FAM228B: variants seen among roughly 807,000 people sequenced by gnomAD.
FAM228B encodes protein FAM228B.
In FAM228B, 38 loss-of-function variants were observed where a neutral mutation model predicts 42.6. The ratio of observed to expected loss-of-function variants is 0.89; its 90% CI spans 0.69 to 1.17. The LOEUF is 1.17. Among genes scored for constraint, FAM228B ranks in the 50% most tolerant of loss-of-function variants. The probability of loss-of-function intolerance (pLI) is 0.00; values close to 1 mark genes in which losing one functional copy is unlikely to be tolerated. For synonymous variants in FAM228B, 109 were observed against 122.3 expected (o/e 0.89, Z 0.72); for missense variants, 344 against 367.3 (o/e 0.94, Z 0.52).
chr2:24,078,597 G>A (rs1664862993), intron 1 of FAM228B, among the ~76,000 whole-genome samples: 1 of 152,094 alleles, frequency 6.6e-6, no homozygotes. Context: ...GGTTACAGGT[G>A]ATCTCTGGCT....
chr2:24,165,480 C>T (rs768658882), intron 9 of FAM228B: 32 of 470,948 alleles, frequency 6.8e-5, no homozygotes, highest in Non-Finnish European at 1.1e-4. Flanking sequence ...ATCCTCAGGT[C>T]CCAGATGGGA....
intron 7 of FAM228B, among the ~76,000 whole-genome samples, chr2:24,152,705 G>A (rs1453575840): frequency 1.3e-5 from 2 of 152,158 alleles, no homozygotes; most frequent in African/African-American, 2.4e-5. Context: ...CACCATTACT[G>A]GTGCCGCATT....
chr2:24,122,519 C>T (rs750324973), upstream of FAM228B: 4 of 1,613,426 alleles, frequency 2.5e-6, no homozygotes, highest in African/African-American at 4.0e-5. Context: ...TAACAATAAG[C>T]TCTGCAAATG....
chr2:24,142,198 C>A (rs1468870218), intron 5 of FAM228B, among the ~76,000 whole-genome samples: 2 of 152,150 alleles, frequency 1.3e-5, no homozygotes, highest in Non-Finnish European at 2.9e-5. Context: ...GTGGAGATAT[C>A]CAACATTATC....
At chr2:24,117,078 C>T (rs1343884102) in intron 3 of FAM228B, among the ~76,000 whole-genome samples, 3 of 147,894 alleles carry the variant, frequency 2.0e-5, no homozygotes, top group South Asian at 2.1e-4. Context: ...TGCAGTGGCA[C>T]GATCTCGGCT....
chr2:24,164,786 A>G (rs1196972237), intron 9 of FAM228B, among the ~76,000 whole-genome samples: 1 of 152,180 alleles, frequency 6.6e-6, no homozygotes, highest in Non-Finnish European at 1.5e-5. Flanking sequence ...ACTAAATTCA[A>G]GTAGTAAAAT....
intron 3 of FAM228B, among the ~76,000 whole-genome samples, chr2:24,113,049 C>T (rs1485920064): frequency 6.6e-6 from 1 of 152,182 alleles, no homozygotes; most frequent in Non-Finnish European, 1.5e-5. Flanking sequence ...CAGCATTTAT[C>T]ATGTGGTCAT....
At chr2:24,150,124 G>A (rs1666992364) in intron 7 of FAM228B, among the ~76,000 whole-genome samples, 2 of 36,530 alleles carry the variant, frequency 5.5e-5, no homozygotes, top group African/African-American at 8.4e-5. Flanking sequence ...TAAGATAAGA[G>A]TATTTGCACA....
At chr2:24,133,625 A>G (rs1666508772) in intron 2 of FAM228B, among the ~76,000 whole-genome samples, 1 of 152,238 alleles carries the variant, frequency 6.6e-6, no homozygotes, top group Non-Finnish European at 1.5e-5. Context: ...TCTGGCAGGT[A>G]TTTAATAATT....
intron 2 of FAM228B, among the ~76,000 whole-genome samples, chr2:24,085,430 A>G (rs1665212788): frequency 6.6e-6 from 1 of 152,108 alleles, no homozygotes; most frequent in Non-Finnish European, 1.5e-5. Flanking sequence ...CGTCCTGTGC[A>G]TCGTAGGATG....
At chr2:24,156,518 C>T (rs1428989760) in intron 7 of FAM228B, among the ~76,000 whole-genome samples, 1 of 152,150 alleles carries the variant, frequency 6.6e-6, no homozygotes, top group Non-Finnish European at 1.5e-5. Flanking sequence ...CCAGTGATCC[C>T]AGCTACTGTG....
chr2:24,155,414 C>T (rs769358362), intron 7 of FAM228B, among the ~76,000 whole-genome samples: 67 of 147,702 alleles, frequency 4.5e-4, no homozygotes, highest in Non-Finnish European at 8.8e-4. Flanking sequence ...GGCGTGTTTG[C>T]GGGTGACTGG....
chr2:24,144,517 G>A (rs967015893), intron 5 of FAM228B, among the ~76,000 whole-genome samples: 13 of 152,158 alleles, frequency 8.5e-5, no homozygotes, highest in Admixed American at 6.5e-4. Flanking sequence ...CTTGGAACAC[G>A]TCATCTAAGA....
chr2:24,126,798 CA>C (rs977457087), intron 2 of FAM228B, among the ~76,000 whole-genome samples: 288 of 105,340 alleles, frequency 2.7e-3, no homozygotes, highest in African/African-American at 1.0e-2. Context: ...TGTATTTTTA[CA>C]AAAAAAAAGT....
chr2:24,080,966 T>C lies in FAM228B; in HGVS notation c.-210+11T>C. ...GCTCCAGCCATCCGGGTGAGTTGGA[T>C]AGCAGCTGTGCCCACACCACTCAGT... On this transcript the variant is annotated intron_variant, in intron 2 of 10. Coordinates refer to the FAM228B transcript ENST00000613899. This position sits in a 1 kb window ranked among gnomAD's most constrained non-coding sequence, Gnocchi z 4.7. 1 of 1,614,202 alleles carries C rather than the reference T, an allele frequency of 6.2e-7. No individual in the cohort carries two copies.
At chr2:24,082,369 C>T (rs1296274717) in intron 2 of FAM228B, among the ~76,000 whole-genome samples, 1 of 152,222 alleles carries the variant, frequency 6.6e-6, no homozygotes, top group Non-Finnish European at 1.5e-5. Flanking sequence ...AGCCTTCTGA[C>T]TACCCTTGTC....
rs1452030194 is a variant in FAM228B, at chr2:24,084,508, C to T, written c.-210+3553C>T. The T allele has an allele frequency of 6.2e-6, 5 of 805,586 alleles. No homozygotes were observed. The highest frequency in any genetic ancestry group is 7.4e-5 in the Admixed American group (2 of 27,110). The allele number at this position is 805,586 out of a possible 1,614,324, so 49.9% of individuals were successfully genotyped here. On this transcript the variant is annotated intron_variant, in intron 2 of 10. Transcript: ENST00000613899. This position sits in a 1 kb window ranked among gnomAD's most constrained non-coding sequence, Gnocchi z 8.4. ...AGCGCCTCGCTGCCCTGGTCTGCCG[C>T]GGACCCGGCCTCCGCCCCGAGCTCC...
intron 3 of FAM228B, among the ~76,000 whole-genome samples, chr2:24,109,899 G>C (rs1284341375): frequency 1.3e-5 from 2 of 152,142 alleles, no homozygotes; most frequent in Non-Finnish European, 1.5e-5. Context: ...ACTTAAAACA[G>C]AATTACCATT....
At chr2:24,151,547 C>T (rs1667023601) in intron 7 of FAM228B, among the ~76,000 whole-genome samples, 1 of 151,818 alleles carries the variant, frequency 6.6e-6, no homozygotes, top group African/African-American at 2.4e-5. Context: ...CCGCCTTGGC[C>T]TCCCAAAGTT....
Sources: gnomAD v4.1 joint callset for allele counts (sites outside exome capture counted in the v4.1 genomes callset) on GRCh38, gnomAD v4.1.1 for gene constraint, Gnocchi (gnomAD v3.1) non-coding constraint, MANE v1.5 for transcripts, NCBI Gene and HGNC (gene_info 2026-07-23, HGNC 2026-07-21) for gene names.